TG: variants seen among roughly 807,000 people sequenced by gnomAD.
TG encodes the protein thyroglobulin.
A neutral mutation model predicts 324.7 loss-of-function variants in TG; 270 were observed. The observed-to-expected ratio is 0.83, with a 90% CI of 0.75 to 0.92. The LOEUF is 0.92. Among genes scored for constraint, TG ranks in the 40% least tolerant of loss-of-function variants. The pLI, the probability that TG is intolerant of heterozygous loss-of-function variation, is 0.00. For synonymous variants in TG, 1,401 were observed against 1,327.0 expected, an observed-to-expected ratio of 1.06 and a Z score of -1.21; for missense variants, 3,591 against 3,456.4, an observed-to-expected ratio of 1.04 and a Z score of -0.98.
At chr8:132,947,503 A>C (rs1454863255) in intron 26 of TG, among the ~76,000 whole-genome samples, 1 of 152,226 alleles carries the variant, frequency 6.6e-6, no homozygotes, top group Non-Finnish European at 1.5e-5. Context: ...TGAAATTTTT[A>C]AGCCAGACAT....
chr8:132,869,851 T>C, intron 3 of TG, 25 bp downstream of exon 3: 1 of 1,603,466 alleles, frequency 6.2e-7, no homozygotes. Context: ...GGGACGTCCC[T>C]TGGAGGGACC....
At chr8:132,957,102 G>A (rs535977692) in intron 27 of TG, among the ~76,000 whole-genome samples, 1 of 152,254 alleles carries the variant, frequency 6.6e-6, no homozygotes, top group Admixed American at 6.5e-5. Context: ...TATTCCTATG[G>A]AGACTTGGCA....
chr8:132,970,029 A>G, intron 32 of TG, among the ~76,000 whole-genome samples: 1 of 151,950 alleles, frequency 6.6e-6, no homozygotes. Context: ...TACTGATAGT[A>G]AACACAACAT....
chr8:132,951,928 G>C (rs1027070163), intron 27 of TG, among the ~76,000 whole-genome samples: 8 of 152,148 alleles, frequency 5.3e-5, no homozygotes, highest in Non-Finnish European at 1.2e-4. Flanking sequence ...GAGGATTCTG[G>C]GTACAGGAAC....
At position 133,095,095 on chromosome 8, in the gene TG, C is replaced by G. The variant is rs769173796; in HGVS notation, c.7291C>G (p.Gln2431Glu). ...AAVISHERAQ[Q>E]QAIALAKEVS... ...CGTCATCAGCCATGAGAGGGCTCAG[C>G]AGCAGGCAATTGCTTTGGCAAAGGA... is the stretch of plus-strand genomic sequence containing the variant. The change falls in exon 42 of 48, where the codon CAG becomes GAG. Residue 2431 changes from glutamine (Q) to glutamate (E), a missense_variant. By Grantham distance (29) the Gln-to-Glu change is conservative. Coordinates refer to ENST00000220616, the MANE Select transcript of TG (RefSeq NM_003235.5). 3.1e-6 allele frequency: 5 copies of G among 1,614,224 alleles called. No homozygotes were observed. The highest frequency in any genetic ancestry group is 4.2e-6 in the Non-Finnish European group (5 of 1,180,036).
At chr8:132,935,150 TTTTC>T (rs1302843161) in intron 24 of TG, among the ~76,000 whole-genome samples, 11 of 151,792 alleles carry the variant, frequency 7.2e-5, no homozygotes, top group African/African-American at 2.4e-4. Context: ...TTTTTTTTTT[TTTTC>T]TTTTGAGACA....
chr8:132,876,512 C>T (rs562755918), intron 5 of TG, among the ~76,000 whole-genome samples: 74 of 152,318 alleles, frequency 4.9e-4, no homozygotes, highest in African/African-American at 1.8e-3. Flanking sequence ...ATCCTGTGGG[C>T]AGCTCATTCG....
At position 132,882,896 on chromosome 8, in the gene TG, C is replaced by G; in HGVS notation, c.972C>G (p.Asp324Glu). ...TTCCAAGCTGCCGCCGAAATGGCGA[C>G]TATCAGGCGGTGCAGTGCCAGACGG... is the stretch of plus-strand genomic sequence containing the variant. Reference protein sequence around the residue: ...PYVPSCRRNGDYQAVQCQTEG... With the variant: ...PYVPSCRRNGEYQAVQCQTEG... Residue 324 changes from aspartate (D) to glutamate (E), a missense_variant, in exon 8 of 48, where the codon GAC (aspartate) becomes GAG (glutamate). Transcript: ENST00000220616. 4 of 1,614,230 alleles carry G rather than the reference C, an allele frequency of 2.5e-6. No individual in the cohort carries two copies. Among genetic ancestry groups the G allele is most frequent in the Non-Finnish European group, 3.4e-6 (4 of 1,180,044 alleles).
At chr8:132,947,861 ATAAAAAAACG>A (rs976484532) in intron 26 of TG, among the ~76,000 whole-genome samples, 21 of 152,380 alleles carry the variant, frequency 1.4e-4, no homozygotes, top group East Asian at 9.6e-4. Flanking sequence ...CATAGCAGAT[ATAAAAAAACG>A]TGTGAGTTAC....
chr8:132,869,642 A>G lies in TG; in HGVS notation c.177-87A>G, dbSNP rs1839290403. On this transcript the variant is annotated intron_variant, in intron 2 of 47. Transcript: ENST00000220616. Reference sequence around the variant, plus strand: ...CGAACCAAAACTTGCAAGAATGGAAATGAAGAAGAAAAGTAGCCTGAGTGG... The same window carrying G: ...CGAACCAAAACTTGCAAGAATGGAAGTGAAGAAGAAAAGTAGCCTGAGTGG... 5 of 1,174,512 alleles carry G rather than the reference A, an allele frequency of 4.3e-6. No homozygotes were observed. In the Admixed American group the frequency reaches 8.7e-5, roughly 21 times the overall value. 72.8% of individuals were successfully genotyped at this position (1,174,512 alleles called of 1,614,324 possible).
chr8:132,981,018 A>G (rs1308336793), intron 34 of TG, among the ~76,000 whole-genome samples: 1 of 152,202 alleles, frequency 6.6e-6, no homozygotes, highest in East Asian at 1.9e-4. Context: ...ATAGGATGTG[A>G]ATGATGAAAA....
chr8:133,106,897 G>A (rs1192236759), intron 43 of TG, among the ~76,000 whole-genome samples: 4 of 152,166 alleles, frequency 2.6e-5, no homozygotes, highest in African/African-American at 7.2e-5. Flanking sequence ...CAGGCACTCC[G>A]AGCATAGTTG....
chr8:132,919,786 C>G (rs1485173240), intron 21 of TG, among the ~76,000 whole-genome samples: 2 of 152,200 alleles, frequency 1.3e-5, no homozygotes, highest in Non-Finnish European at 2.9e-5. Context: ...GCAAAATTGC[C>G]TACCTGTGAG....
chr8:132,952,153 T>C (rs1461811140), intron 27 of TG, among the ~76,000 whole-genome samples: 1 of 152,156 alleles, frequency 6.6e-6, no homozygotes, highest in East Asian at 1.9e-4. Context: ...CTTCTAGGCT[T>C]TGGTATTCCC....
At position 132,966,838 on chromosome 8, in the gene TG, A is replaced by G. The variant is rs529204438; in HGVS notation, c.5686+141A>G. The G allele has an allele frequency of 1.5e-5, 15 of 1,017,378 alleles. No homozygotes were observed. The Admixed American group carries it at 2.2e-4, about 15-fold the overall frequency. 63.0% of individuals were successfully genotyped at this position (1,017,378 alleles called of 1,614,324 possible). Reference sequence around the variant, plus strand: ...GATCACTGTGGATGATATAAAAGAAAGATAGCACATAACCCATATCTTCAA... The same window carrying G: ...GATCACTGTGGATGATATAAAAGAAGGATAGCACATAACCCATATCTTCAA... On this transcript the variant is annotated intron_variant, in intron 30 of 47. Transcript: ENST00000220616.
At chr8:133,049,978 A>G in intron 41 of TG, 1 of 1,611,782 alleles carries the variant, frequency 6.2e-7, no homozygotes. Flanking sequence ...GCTTTCCACC[A>G]GCCCCCTTCA....
intron 7 of TG, 77 bp downstream of exon 7, chr8:132,882,689 G>T (rs918179824): frequency 3.7e-6 from 6 of 1,612,524 alleles, no homozygotes; most frequent in Non-Finnish European, 5.1e-6. Flanking sequence ...GCTATGGTGT[G>T]TGTGGCTGCT....
rs115346640 is a variant in TG at position 132,902,055 on chromosome 8, G to A, written c.3634+502G>A. 3.4e-3 allele frequency among the ~76,000 whole-genome samples: 514 copies of A among 152,116 alleles called. 5 individuals are homozygous for A. Among genetic ancestry groups the A allele is most frequent in the African/African-American group, 0.012 (498 of 41,480 alleles). Reference sequence around the variant, plus strand: ...TTAAATATTAAAATATATTATTATTGATTTTTAACCTTTTATTTCTCCAAT... The same window carrying A: ...TTAAATATTAAAATATATTATTATTAATTTTTAACCTTTTATTTCTCCAAT... On this transcript the variant is annotated intron_variant, in intron 16 of 47. Coordinates refer to ENST00000220616, the MANE Select transcript of TG (RefSeq NM_003235.5).
chr8:132,995,304 G>A (rs1477926898), intron 35 of TG: 3 of 984,794 alleles, frequency 3.0e-6, no homozygotes, highest in African/African-American at 3.5e-5. Flanking sequence ...ACCACATACA[G>A]CAAGTGCTTG....
Sources: gnomAD v4.1 joint callset for allele counts (sites outside exome capture counted in the v4.1 genomes callset) on GRCh38, gnomAD v4.1.1 for gene constraint, MANE v1.5 for transcripts, NCBI Gene and HGNC (gene_info 2026-07-23, HGNC 2026-07-21) for gene names.